The following LINC00305 variants were observed in gnomAD, a reference collection of about 807,000 sequenced individuals.
The protein encoded by LINC00305 is long intergenic non-protein coding RNA 305.
Position 64,091,682 on chromosome 18 carries a change from G to A in LINC00305, n.540+6152C>T, listed in dbSNP as rs530979128. ...GACCATTGGTCTGCAAAGCTCAGGT[G>A]CTAACATAAAATCTGCTTCTTCATT... is the stretch of plus-strand genomic sequence containing the variant. On this transcript the variant is annotated intron_variant and non_coding_transcript_variant, in intron 3 of 3. Transcript: ENST00000666468. 3.3e-5 allele frequency among the ~76,000 whole-genome samples: 5 copies of A among 152,304 alleles called. No homozygotes were observed. In the South Asian group the frequency reaches 1.0e-3, roughly 32 times the overall value.
chr18:64,131,072 T>A (rs2051407690), intron 1 of LINC00305, among the ~76,000 whole-genome samples: 1 of 152,190 alleles, frequency 6.6e-6, no homozygotes, highest in South Asian at 2.1e-4. Context: ...CTTTGCAGCT[T>A]ACCTAACTCG....
chr18:64,083,378 C>T (rs546438545), intron 3 of LINC00305, among the ~76,000 whole-genome samples: 1 of 152,288 alleles, frequency 6.6e-6, no homozygotes, highest in South Asian at 2.1e-4. Context: ...ATTAGTGTGC[C>T]TGACACTTCT....
chr18:64,122,354 A>AT (rs2051365717), intron 1 of LINC00305, among the ~76,000 whole-genome samples: 1 of 151,928 alleles, frequency 6.6e-6, no homozygotes, highest in Non-Finnish European at 1.5e-5. Context: ...TCTTAAGTTG[A>AT]TTTTTGTATA....
chr18:64,081,906 A>G (rs1487945432), intron 3 of LINC00305, among the ~76,000 whole-genome samples: 2 of 152,204 alleles, frequency 1.3e-5, no homozygotes, highest in Admixed American at 6.5e-5. Context: ...AAACCCAAAA[A>G]CAAACAAATG....
chr18:64,090,438 G>C (rs1373966545), intron 3 of LINC00305, among the ~76,000 whole-genome samples: 1 of 152,216 alleles, frequency 6.6e-6, no homozygotes, highest in Non-Finnish European at 1.5e-5. Flanking sequence ...CTCCAGAAAA[G>C]AGTTTCTGTA....
chr18:64,133,983 T>C (rs1254660848), intron 1 of LINC00305, among the ~76,000 whole-genome samples: 2 of 152,208 alleles, frequency 1.3e-5, no homozygotes, highest in African/African-American at 4.8e-5. Context: ...TTATAGTGTT[T>C]TTTAAAAAGT....
chr18:64,142,128 G>C (rs1248637928), intron 1 of LINC00305, among the ~76,000 whole-genome samples: 1 of 152,172 alleles, frequency 6.6e-6, no homozygotes, highest in African/African-American at 2.4e-5. Context: ...GCGAGTTGGG[G>C]TGGCTCAACA....
intron 3 of LINC00305, among the ~76,000 whole-genome samples, chr18:64,091,866 A>G (rs1326091523): frequency 6.6e-6 from 1 of 152,260 alleles, no homozygotes; most frequent in Non-Finnish European, 1.5e-5. Flanking sequence ...ACAGTTTTCC[A>G]GAAAAAAAGC....
intron 1 of LINC00305, among the ~76,000 whole-genome samples, chr18:64,129,956 C>G (rs377609814): frequency 6.7e-6 from 1 of 150,314 alleles, no homozygotes; most frequent in East Asian, 2.0e-4. Context: ...TGCCAGTTTT[C>G]AATTGTCTGT....
chr18:64,099,814 C>T (rs2051261089), intron 1 of LINC00305, among the ~76,000 whole-genome samples: 1 of 152,106 alleles, frequency 6.6e-6, no homozygotes, highest in African/African-American at 2.4e-5. Flanking sequence ...TTCCTGAATA[C>T]TTGATATGTT....
At chr18:64,088,367 A>G (rs2051212303) in intron 3 of LINC00305, among the ~76,000 whole-genome samples, 1 of 152,246 alleles carries the variant, frequency 6.6e-6, no homozygotes, top group Non-Finnish European at 1.5e-5. Context: ...GTTCTAAAGA[A>G]TGGCCCTGAA....
intron 1 of LINC00305, among the ~76,000 whole-genome samples, chr18:64,107,416 G>T (rs1254842676): frequency 6.6e-6 from 1 of 152,230 alleles, no homozygotes; most frequent in African/African-American, 2.4e-5. Context: ...TCAGCATAGT[G>T]TCGAGGAAAG....
intron 1 of LINC00305, among the ~76,000 whole-genome samples, chr18:64,099,173 T>C (rs1178550003): frequency 1.3e-5 from 2 of 152,200 alleles, no homozygotes; most frequent in African/African-American, 4.8e-5. Flanking sequence ...CTTATAATAA[T>C]ATATTAAATG....
intron 3 of LINC00305, among the ~76,000 whole-genome samples, chr18:64,095,452 G>A (rs1283246879): frequency 2.3e-5 from 3 of 131,522 alleles, no homozygotes; most frequent in African/African-American, 7.1e-5. Flanking sequence ...TATAAGACAA[G>A]AGGAGATTTT....
chr18:64,098,634 T>G (rs1255228013), exon 2 of LINC00305: 1 of 426,594 alleles, frequency 2.3e-6, no homozygotes, highest in East Asian at 7.2e-5. Context: ...ACCAGATAAT[T>G]TCCATCCTGC....
intron 1 of LINC00305, among the ~76,000 whole-genome samples, chr18:64,103,469 G>A (rs1374954773): frequency 7.2e-5 from 11 of 152,048 alleles, no homozygotes; most frequent in Non-Finnish European, 1.2e-4. Context: ...TTGTTTTCTC[G>A]TTGTCTTCAG....
chr18:64,098,820 T>C (rs2051257200), intron 1 of LINC00305, among the ~76,000 whole-genome samples: 1 of 152,176 alleles, frequency 6.6e-6, no homozygotes, highest in African/African-American at 2.4e-5. Context: ...CTGGTTTAGA[T>C]GACCCCAAGC....
chr18:64,124,086 A>C (rs1248141618), intron 1 of LINC00305, among the ~76,000 whole-genome samples: 1 of 152,144 alleles, frequency 6.6e-6, no homozygotes, highest in Non-Finnish European at 1.5e-5. Flanking sequence ...ACCCAGTCTC[A>C]GGCACTCTGT....
Position 64,110,624 on chromosome 18 carries a change from TTTG to T in LINC00305, n.315-11987_315-11985del, listed in dbSNP as rs1365762993. Among the ~76,000 whole-genome samples, 9 of 152,330 alleles carry T rather than the reference TTTG, an allele frequency of 5.9e-5. No homozygotes were observed. In the South Asian group the frequency reaches 1.2e-3, roughly 21 times the overall value. On this transcript the variant is annotated intron_variant and non_coding_transcript_variant, in intron 1 of 3. Coordinates refer to ENST00000666468, the Ensembl canonical transcript of LINC00305. ...GCACAGAGGACTTGGGGATCTTCTT[TTTG>T]GAAGTGACTTAGCCTTGTCTGGATA... is the stretch of plus-strand genomic sequence containing the variant.
Sources: allele counts gnomAD v4.1 joint callset (sites outside exome capture counted in the v4.1 genomes callset), GRCh38; gene constraint gnomAD v4.1.1; transcripts MANE v1.5; gene names NCBI Gene and HGNC (gene_info 2026-07-23, HGNC 2026-07-21).